Variants in CENPE observed in about 807,000 individuals in gnomAD.
The protein encoded by CENPE is centromere-associated protein E.
In CENPE, 145 loss-of-function variants were observed where a neutral mutation model predicts 336.1. That is an observed-to-expected ratio of 0.43 (90% CI 0.38 to 0.50). The LOEUF (loss-of-function observed/expected upper bound fraction) is 0.50. Ranked by LOEUF, CENPE falls within the 20% of genes least tolerant of loss-of-function variation. The pLI, the probability that CENPE is intolerant of heterozygous loss-of-function variation, is 0.00. For missense variants in CENPE, 2,719 were observed against 3,023.3 expected (o/e 0.90, Z 2.36); for synonymous variants, 1,013 against 984.8 (o/e 1.03, Z -0.54).
chr4:103,139,959 A>G lies in CENPE; in HGVS notation c.6034T>C (p.Ser2012Pro), dbSNP rs1020569297. 23 of 1,613,266 alleles carry G rather than the reference A, an allele frequency of 1.4e-5. No homozygotes were observed. Among genetic ancestry groups the G allele is most frequent in the Admixed American group, 3.3e-5 (2 of 59,982 alleles). ...LKKQFEAQNL[S>P]MQSVRMDNFQ... ...TTATCCATTCTCACACTTTGCATAG[A>G]TAAGTTTTGGGCCTCAAATTGCTTC... is the stretch of plus-strand genomic sequence containing the variant. The change falls in exon 38 of 49, where the codon TCT (serine) becomes CCT (proline). Residue 2012 changes from serine (S) to proline (P), a missense_variant. Around this residue, in one of 5 missense-constraint regions of CENPE, gnomAD observed 2,437 missense variants for 2,513.3 expected, o/e 0.97. Transcript: ENST00000265148.
chr4:103,143,141 G>T, intron 34 of CENPE, 107 bp downstream of exon 34: 1 of 668,294 alleles, frequency 1.5e-6, no homozygotes, highest in Non-Finnish European at 2.4e-6. Context: ...GAGTAGGCAA[G>T]TAAGTCTTCA....
At chr4:103,133,649 TA>T in intron 41 of CENPE, 45 bp downstream of exon 41, 1 of 1,299,502 alleles carries the variant, frequency 7.7e-7, no homozygotes, top group South Asian at 1.3e-5. Context: ...TTCTACTTGA[TA>T]AAAAGGCTTA....
chr4:103,162,827 G>A (rs1754568192), intron 18 of CENPE, among the ~76,000 whole-genome samples: 1 of 152,052 alleles, frequency 6.6e-6, no homozygotes, highest in Non-Finnish European at 1.5e-5. Flanking sequence ...CAAAGTACTG[G>A]CATCACAGGG....
chr4:103,158,880 A>T lies in CENPE; in HGVS notation c.2608T>A (p.Tyr870Asn), dbSNP rs763847485. The T allele has an allele frequency of 3.1e-6, 5 of 1,594,532 alleles. No homozygotes were observed. In the South Asian group the frequency reaches 5.7e-5, roughly 18 times the overall value. ...SLGALKTELS[Y>N]KTQELQEKTR... ...TTCTCCTGAAGTTCTTGGGTCTTGT[A>T]AGAAAGCTTTAAAAAAGAAAAAGTA... The change falls in exon 23 of 49, where the codon TAC (tyrosine) becomes AAC (asparagine). Residue 870 changes from tyrosine to asparagine, a missense_variant. By Grantham distance (143) the Tyr-to-Asn change is moderately radical (BLOSUM62 -2). This residue lies in a region of CENPE where 2,437 missense variants were observed against 2,513.3 expected (regional missense o/e 0.97). Transcript: ENST00000265148.
At chr4:103,159,806 A>G (rs1174526119) in intron 21 of CENPE, among the ~76,000 whole-genome samples, 1 of 151,892 alleles carries the variant, frequency 6.6e-6, no homozygotes, top group African/African-American at 2.4e-5. Flanking sequence ...AAATAAAAAT[A>G]GAAGTACCAC....
chr4:103,113,229 T>G (rs1172015819), intron 46 of CENPE, among the ~76,000 whole-genome samples: 1 of 135,428 alleles, frequency 7.4e-6, no homozygotes, highest in Non-Finnish European at 1.6e-5. Context: ...TTTAAGTATA[T>G]GTGTATATAT....
At chr4:103,177,904 C>T (rs886805064) in intron 13 of CENPE, among the ~76,000 whole-genome samples, 1 of 151,972 alleles carries the variant, frequency 6.6e-6, no homozygotes, top group Admixed American at 6.6e-5. Context: ...TGGACCTTGT[C>T]ATTATCTGAA....
intron 40 of CENPE, among the ~76,000 whole-genome samples, chr4:103,135,383 CTCTT>C (rs1050015716): frequency 9.2e-5 from 14 of 152,034 alleles, no homozygotes; most frequent in East Asian, 1.9e-4. Context: ...TACCTTGTTT[CTCTT>C]TCTTTTTTAT....
chr4:103,176,959 T>C lies in CENPE; in HGVS notation c.1330A>G (p.Thr444Ala), dbSNP rs1755923362. 1.2e-6 allele frequency: 2 copies of C among 1,602,926 alleles called. No individual in the cohort carries two copies. Among genetic ancestry groups the C allele is most frequent in the Non-Finnish European group, 1.7e-6 (2 of 1,173,750 alleles). The change falls in exon 14 of 49, where the codon ACA (threonine) becomes GCA (alanine). Residue 444 changes from threonine (T) to alanine (A), a missense_variant. Coordinates refer to ENST00000265148, the MANE Select transcript of CENPE (RefSeq NM_001813.3). ...TTATGTGTTTTTGTTGTTATATTTGTTGGTATATTAAATTGATCTGCATAG... is the reference window on the plus strand; with the variant it reads ...TTATGTGTTTTTGTTGTTATATTTGCTGGTATATTAAATTGATCTGCATAG... ...SNYADQFNIP[T>A]NITTKTHKLS...
rs1466253478 is a variant in CENPE, at chr4:103,114,480, T to A, written c.7515A>T (p.Arg2505Ser). 1 of 1,610,974 alleles carries A rather than the reference T, an allele frequency of 6.2e-7. No homozygotes were observed. The highest frequency in any genetic ancestry group is 2.2e-5 in the East Asian group (1 of 44,860). The change falls in exon 46 of 49, where the codon AGA becomes AGT. Residue 2505 changes from arginine to serine, a missense_variant. Coordinates refer to ENST00000265148, the MANE Select transcript of CENPE (RefSeq NM_001813.3). ...CTGAGGTATCTTGGGCCTGTTGACTTCTTCTGAGATTTTCTCTCAATAGCC... is the reference window on the plus strand; with the variant it reads ...CTGAGGTATCTTGGGCCTGTTGACTACTTCTGAGATTTTCTCTCAATAGCC... The part of the protein sequence containing the change: ...VIRLLRENLR[R>S]SQQAQDTSVI...
chr4:103,178,190 C>T (rs1160896815), intron 13 of CENPE, among the ~76,000 whole-genome samples: 2 of 152,198 alleles, frequency 1.3e-5, no homozygotes, highest in Admixed American at 6.5e-5. Flanking sequence ...ACACGGCACA[C>T]TCAAATGGCA....
At chr4:103,177,596 G>C (rs1196586328) in intron 13 of CENPE, among the ~76,000 whole-genome samples, 1 of 151,984 alleles carries the variant, frequency 6.6e-6, no homozygotes, top group Non-Finnish European at 1.5e-5. Flanking sequence ...CTTTTTAACA[G>C]ATGAGTTGGG....
chr4:103,113,252 A>G (rs1749735029), intron 46 of CENPE, among the ~76,000 whole-genome samples: 1 of 141,812 alleles, frequency 7.1e-6, no homozygotes, highest in Non-Finnish European at 1.5e-5. Context: ...TTATAAGTAT[A>G]TATAAGTGTA....
At chr4:103,128,819 C>G (rs1345015611) in intron 42 of CENPE, among the ~76,000 whole-genome samples, 1 of 151,736 alleles carries the variant, frequency 6.6e-6, no homozygotes, top group African/African-American at 2.4e-5. Flanking sequence ...CCTTAGGAAA[C>G]TAAAAGTGAA....
chr4:103,192,672 T>C (rs946269629), intron 8 of CENPE, among the ~76,000 whole-genome samples: 1 of 152,170 alleles, frequency 6.6e-6, no homozygotes, highest in Non-Finnish European at 1.5e-5. Context: ...CTTAGGCAGC[T>C]AGGATAATGC....
chr4:103,153,077 C>T lies in CENPE; in HGVS notation c.3207G>A (p.Leu1069=). ...LESVIAEKEQ[L]KTDLKENIEM... The stretch of plus-strand genomic sequence containing the variant: ...CAATATTTTCCTTTAGGTCAGTCTT[C>T]AATTGTTCCTTTTCTGCTATAACAC... The change falls in exon 25 of 49, where the codon TTG becomes TTA. Residue 1069 remains leucine, a synonymous_variant. Coordinates refer to ENST00000265148, the MANE Select transcript of CENPE (RefSeq NM_001813.3). 6.2e-7 allele frequency: 1 copy of T among 1,612,786 alleles called. No homozygotes were observed. The highest frequency in any genetic ancestry group is 8.5e-7 in the Non-Finnish European group (1 of 1,179,422).
intron 18 of CENPE, among the ~76,000 whole-genome samples, chr4:103,162,182 C>A (rs555233785): frequency 6.6e-6 from 1 of 151,696 alleles, no homozygotes; most frequent in African/African-American, 2.4e-5. Context: ...ATGGTATGAA[C>A]CCCTTTGAAA....
At position 103,195,205 on chromosome 4, in the gene CENPE, A is replaced by G; in HGVS notation, c.386T>C (p.Val129Ala). Residue 129 changes from valine (V) to alanine (A), a missense_variant, in exon 5 of 49, where the codon GTA becomes GCA. Val to Ala is a moderately conservative substitution (Grantham distance 64). Transcript: ENST00000265148. ...KFPDREFLLR[V>A]SYMEIYNETI... is the part of the protein sequence containing the mutation. ...TTCATTGTATATTTCCATGTAAGAT[A>G]CACGTAAGAGAAATTCCCTATCAGG... The G allele has an allele frequency of 1.3e-6, 2 of 1,582,030 alleles. No homozygotes were observed. The highest frequency in any genetic ancestry group is 1.7e-6 in the Non-Finnish European group (2 of 1,168,944).
intron 24 of CENPE, among the ~76,000 whole-genome samples, chr4:103,154,620 T>C (rs1753823425): frequency 6.6e-6 from 1 of 152,156 alleles, no homozygotes. Flanking sequence ...ATCTTTCAAA[T>C]ACAAAGCAGA....
Sources: allele counts gnomAD v4.1 joint callset (sites outside exome capture counted in the v4.1 genomes callset), GRCh38; gene constraint gnomAD v4.1.1; regional missense constraint gnomAD v4.1.1; transcripts MANE v1.5; gene names NCBI Gene and HGNC (gene_info 2026-07-23, HGNC 2026-07-21).